Variants in CCAR2 observed in about 807,000 individuals in gnomAD.
CCAR2 encodes the protein cell cycle and apoptosis regulator 2.
CCAR2 carries 21 observed loss-of-function variants against 108.1 expected under a neutral mutation model. That is an observed-to-expected ratio of 0.19 (90% confidence interval 0.14 to 0.28). CCAR2 has a LOEUF of 0.28. Ranked by LOEUF, CCAR2 falls within the 10% of genes least tolerant of loss-of-function variation. The pLI is 1.00. For missense variants in CCAR2, 1,126 were observed against 1,177.0 expected (o/e 0.96, Z 0.63); for synonymous variants, 577 against 472.8 (o/e 1.22, Z -2.86).
intron 16 of CCAR2, 199 bp from the exon 17 acceptor site, chr8:22,618,150 G>C (rs1307468421): frequency 1.5e-6 from 1 of 655,888 alleles, no homozygotes; most frequent in East Asian, 2.7e-5. Context: ...TTATTCACAG[G>C]CATGAATATA....
chr8:22,615,468 C>A lies in CCAR2; in HGVS notation c.1249C>A (p.Arg417=), dbSNP rs1477093225. The part of the protein sequence containing the change: ...EFQYLQPGPP[R]RLQTVVVYLP... ...TCAGTACCTGCAGCCGGGACCCCCC[C>A]GGCGGCTTCAGACAGTGGTGGTGTA... The change falls in exon 12 of 21, where the codon CGG becomes AGG. Residue 417 remains arginine, a synonymous_variant. Coordinates refer to ENST00000308511, the MANE Select transcript of CCAR2 (RefSeq NM_001393997.1). 8.1e-6 allele frequency: 13 copies of A among 1,613,924 alleles called. No individual in the cohort carries two copies. In the Admixed American group the frequency reaches 1.0e-4, roughly 12 times the overall value.
At chr8:22,608,110 C>A in intron 7 of CCAR2, 45 bp downstream of exon 7, 1 of 1,393,642 alleles carries the variant, frequency 7.2e-7, no homozygotes, top group Non-Finnish European at 1.0e-6. Flanking sequence ...TTGACACTAA[C>A]ATTCTCTTTA....
At chr8:22,619,586 C>G (rs1229329431) in intron 20 of CCAR2, 52 bp from the exon 21 acceptor site, 9 of 1,547,890 alleles carry the variant, frequency 5.8e-6, no homozygotes, top group Non-Finnish European at 7.9e-6. Context: ...GTCCGCAGTC[C>G]TCAGATCACC....
intron 6 of CCAR2, 89 bp from the exon 7 acceptor site, chr8:22,607,880 C>G: frequency 2.0e-6 from 2 of 1,008,206 alleles, no homozygotes; most frequent in Non-Finnish European, 3.1e-6. Context: ...TCTGCACTGT[C>G]CTCTCAAAGT....
Position 22,606,967 on chromosome 8 carries a change from C to T in CCAR2, c.300C>T (p.Tyr100=), listed in dbSNP as rs370640129. The T allele has an allele frequency of 1.2e-6, 2 of 1,614,148 alleles. No individual in the cohort carries two copies. Among genetic ancestry groups the T allele is most frequent in the Admixed American group, 1.7e-5 (1 of 60,022 alleles). Residue 100 remains tyrosine (Y), a synonymous_variant, in exon 5 of 21, where the codon TAC becomes TAT. Transcript: ENST00000308511. ...AGAAGGTGCTGGTGAAGGCTGCATA[C>T]AACCCAGGCCAGGCAGTGCCCTGGA... ...LGEKVLVKAA[Y]NPGQAVPWNA...
Position 22,618,365 on chromosome 8 carries a change from C to T in CCAR2, c.2090C>T (p.Pro697Leu), listed in dbSNP as rs1230798809. 1 of 1,614,236 alleles carries T rather than the reference C, an allele frequency of 6.2e-7. No homozygotes were observed. Among genetic ancestry groups the T allele is most frequent in the African/African-American group, 1.3e-5 (1 of 75,066 alleles). The change falls in exon 17 of 21, where the codon CCC (proline) becomes CTC (leucine). Residue 697 changes from proline (P) to leucine (L), a missense_variant. Transcript: ENST00000308511. Reference sequence around the variant, plus strand: ...TCTTTGCAGCCCAAGGAGCTGGATCCCTCTGCTGTGCTCCCCTTAGACTGT... The same window carrying T: ...TCTTTGCAGCCCAAGGAGCTGGATCTCTCTGCTGTGCTCCCCTTAGACTGT... ...SLQDMPKELDPSAVLPLDCLL... is the reference protein window; with the variant it reads ...SLQDMPKELDLSAVLPLDCLL...
chr8:22,606,248 C>A, intron 3 of CCAR2, 72 bp downstream of exon 3: 7 of 1,230,298 alleles, frequency 5.7e-6, no homozygotes, highest in Non-Finnish European at 8.4e-6. Flanking sequence ...TGCTCTTTTT[C>A]TCTTACATAA....
intron 8 of CCAR2, among the ~76,000 whole-genome samples, chr8:22,613,608 G>T (rs193183002): frequency 1.5e-4 from 23 of 152,274 alleles, no homozygotes. Flanking sequence ...AACCAGTGGG[G>T]TGTGGAGACC....
At position 22,615,697 on chromosome 8, in the gene CCAR2, G is replaced by A; in HGVS notation, c.1393G>A (p.Glu465Lys). ...QEAQGETEPT[E>K]QAPDALEQAA... ...GTTGTCACAGGAAACGGAGCCTACT[G>A]AACAGGCACCTGATGCCTTGGAGCA... The change falls in exon 13 of 21, where the codon GAA becomes AAA. Residue 465 changes from glutamate (E) to lysine (K), a missense_variant. Around this residue, in one of 4 missense-constraint regions of CCAR2, gnomAD observed 1,013 missense variants for 993.9 expected, o/e 1.02. Transcript: ENST00000308511. 1 of 1,613,734 alleles carries A rather than the reference G, an allele frequency of 6.2e-7. No homozygotes were observed. Among genetic ancestry groups the A allele is most frequent in the Non-Finnish European group, 8.5e-7 (1 of 1,180,018 alleles).
Position 22,606,811 on chromosome 8 carries a change from G to T in CCAR2, c.243-99G>T. On this transcript the variant is annotated intron_variant, in intron 4 of 20. Coordinates refer to ENST00000308511, the MANE Select transcript of CCAR2 (RefSeq NM_001393997.1). The stretch of plus-strand genomic sequence containing the variant: ...CATTGCTTTGCTGTTTTTGTGCAAG[G>T]TGTGGGAAATCTTGATGGGAAAGGC... 3.4e-6 allele frequency: 5 copies of T among 1,488,916 alleles called. No homozygotes were observed. The South Asian group carries it at 4.6e-5, about 14-fold the overall frequency. The allele number at this position is 1,488,916 out of a possible 1,614,324, so 92.2% of individuals were successfully genotyped here.
chr8:22,606,085 G>C lies in CCAR2; in HGVS notation c.59G>C (p.Gly20Ala), dbSNP rs759247096. The change falls in exon 3 of 21, where the codon GGC (glycine) becomes GCC (alanine). Residue 20 changes from glycine (G) to alanine (A), a missense_variant and splice_region_variant. Gly to Ala is a moderately conservative substitution (Grantham distance 60, BLOSUM62 0). Coordinates refer to ENST00000308511, the MANE Select transcript of CCAR2 (RefSeq NM_001393997.1). Reference protein sequence around the residue: ...NPLPGGRNFSGTASTSLLGPP... With the variant: ...NPLPGGRNFSATASTSLLGPP... ...GGAGATTGCTTCTCTTTCCCCATAG[G>C]CACAGCTTCAACATCTCTTCTGGGC... 6.0e-5 allele frequency: 96 copies of C among 1,613,200 alleles called. No homozygotes were observed. Among genetic ancestry groups the C allele is most frequent in the Non-Finnish European group, 7.5e-5 (89 of 1,179,292 alleles).
intron 14 of CCAR2, among the ~76,000 whole-genome samples, chr8:22,616,866 CTTTTTTTTTTTTTTTT>C (rs36086286): frequency 1.8e-5 from 1 of 54,716 alleles, no homozygotes; most frequent in Non-Finnish European, 3.6e-5. Flanking sequence ...TACTAGTCTG[CTTTTTTTTTTTTTTTT>C]TTTTTTTTTT....
chr8:22,607,182 C>T lies in CCAR2; in HGVS notation c.358-14C>T. The T allele has an allele frequency of 6.2e-7, 1 of 1,613,614 alleles. No homozygotes were observed. On this transcript the variant is annotated splice_polypyrimidine_tract_variant and intron_variant, in intron 5 of 20. Coordinates refer to ENST00000308511, the MANE Select transcript of CCAR2 (RefSeq NM_001393997.1). ...CCATGGGGTCCCCTGAATTTCCTGG[C>T]TCCTGTTCTGCAGCCCCTACTGAAG...
rs60062081 is a variant in CCAR2, at chr8:22,620,417, GTTTTTTTTT to G, written c.*745_*753del. On this transcript the variant is annotated 3_prime_UTR_variant, in exon 21 of 21. Transcript: ENST00000308511. Reference sequence around the variant, plus strand: ...GTTTGACTTTGTATATAAAGTTGGGGTTTTTTTTTTTTTTTTTTGGCTTGTTTTTTAAAT... The same window carrying G: ...GTTTGACTTTGTATATAAAGTTGGGGTTTTTTTTTGGCTTGTTTTTTAAAT... 3 of 124,092 alleles carry G rather than the reference GTTTTTTTTT, an allele frequency of 2.4e-5. No homozygotes were observed. The highest frequency in any genetic ancestry group is 8.6e-5 in the Admixed American group (1 of 11,678). 7.7% of individuals were successfully genotyped at this position (124,092 alleles called of 1,614,324 possible). A position where few individuals can be genotyped will look rare whatever the true frequency, so the allele number is the denominator to read the frequency against.
chr8:22,605,879 CT>C, intron 2 of CCAR2, 48 bp downstream of exon 2: 1 of 1,580,748 alleles, frequency 6.3e-7, no homozygotes, highest in Non-Finnish European at 8.7e-7. Context: ...AGTATGTGCT[CT>C]GGAGTTAGTT....
chr8:22,617,954 A>C (rs1801591930), intron 16 of CCAR2, among the ~76,000 whole-genome samples, 176 bp downstream of exon 16: 1 of 152,116 alleles, frequency 6.6e-6, no homozygotes, highest in South Asian at 2.1e-4. Flanking sequence ...AGAACATTTC[A>C]GTGTCTGTTG....
At chr8:22,613,896 C>T in intron 8 of CCAR2, 196 bp from the exon 9 acceptor site, 2 of 587,252 alleles carry the variant, frequency 3.4e-6, no homozygotes, top group Non-Finnish European at 6.0e-6. Context: ...TCTTTTTTCC[C>T]TTTCCCAGTT....
rs200614698 is a variant in CCAR2, at chr8:22,615,949, G to T, written c.1608+37G>T. On this transcript the variant is annotated intron_variant, in intron 13 of 20. Transcript: ENST00000308511. ...GAGTCTTGGGGAGGCTGTGGGCTGG[G>T]ATTTGTGGGCCTGAAGCAGTCTTTC... is the stretch of plus-strand genomic sequence containing the variant. The T allele has an allele frequency of 1.5e-4, 234 of 1,613,112 alleles. 1 individual carries two copies. In the South Asian group the frequency reaches 2.5e-3, roughly 17 times the overall value.
chr8:22,614,689 C>G lies in CCAR2; in HGVS notation c.1042-149C>G, dbSNP rs544509609. On this transcript the variant is annotated intron_variant, in intron 10 of 20. Transcript: ENST00000308511. ...CGACTAGTCAGAGAGAGCGAGGTGG[C>G]TGGTTCATGTTTGCAGATAGAGACC... is the stretch of plus-strand genomic sequence containing the variant. The G allele has an allele frequency of 1.9e-4, 215 of 1,110,424 alleles. 1 individual carries two copies. The African/African-American group carries it at 3.1e-3, about 16-fold the overall frequency. The allele number at this position is 1,110,424 out of a possible 1,614,324, so 68.8% of individuals were successfully genotyped here. A position where few individuals can be genotyped will look rare whatever the true frequency, so the allele number is the denominator to read the frequency against.
Sources: allele counts gnomAD v4.1 joint callset (sites outside exome capture counted in the v4.1 genomes callset), GRCh38; gene constraint gnomAD v4.1.1; regional missense constraint gnomAD v4.1.1; transcripts MANE v1.5; gene names NCBI Gene and HGNC (gene_info 2026-07-23, HGNC 2026-07-21).